The following EPHA3 variants were observed in gnomAD, a reference collection of about 807,000 sequenced individuals.
The protein encoded by EPHA3 is EPH receptor A3.
Under a neutral mutation model 107.1 loss-of-function variants are expected in EPHA3, and 42 were observed. The observed-to-expected ratio is 0.39, with a 90% confidence interval of 0.31 to 0.51. The LOEUF (loss-of-function observed/expected upper bound fraction) is 0.51. Ranked by LOEUF, EPHA3 falls within the 20% of genes least tolerant of loss-of-function variation. The pLI is 0.78. For synonymous variants in EPHA3, 461 were observed against 424.8 expected (o/e 1.09, Z -1.05); for missense variants, 1,183 against 1,211.2 (o/e 0.98, Z 0.35).
intron 2 of EPHA3, among the ~76,000 whole-genome samples, chr3:89,206,497 C>G (rs1420547485): frequency 2.0e-5 from 3 of 152,152 alleles, no homozygotes; most frequent in Non-Finnish European, 2.9e-5. Flanking sequence ...ATCGAACTTT[C>G]TATAAGATGG....
chr3:89,137,854 A>G (rs1015645542), intron 2 of EPHA3, among the ~76,000 whole-genome samples: 1 of 151,988 alleles, frequency 6.6e-6, no homozygotes, highest in Non-Finnish European at 1.5e-5. Context: ...ATATACATAA[A>G]CTAACAGATC....
intron 3 of EPHA3, among the ~76,000 whole-genome samples, chr3:89,228,686 G>T (rs796992309): frequency 1.2e-4 from 18 of 151,960 alleles, no homozygotes; most frequent in African/African-American, 4.3e-4. Context: ...AATGTGCCGT[G>T]TTCTCTAGAT....
intron 2 of EPHA3, among the ~76,000 whole-genome samples, chr3:89,164,529 T>G (rs1705020876): frequency 6.6e-6 from 1 of 152,222 alleles, no homozygotes; most frequent in Admixed American, 6.5e-5. Flanking sequence ...ACAGCTTCTC[T>G]TGCCCTTTGG....
intron 3 of EPHA3, among the ~76,000 whole-genome samples, chr3:89,245,989 G>A (rs1705022262): frequency 6.6e-6 from 1 of 152,080 alleles, no homozygotes; most frequent in Non-Finnish European, 1.5e-5. Flanking sequence ...GTTGGGTTTT[G>A]CAAAAAGTCA....
chr3:89,460,652 T>C (rs1056768323), intron 15 of EPHA3, among the ~76,000 whole-genome samples: 3 of 148,192 alleles, frequency 2.0e-5, no homozygotes, highest in Non-Finnish European at 4.5e-5. Flanking sequence ...AAATACCATA[T>C]CCTTCAAGAC....
intron 3 of EPHA3, among the ~76,000 whole-genome samples, chr3:89,286,430 C>T (rs1403601886): frequency 6.6e-6 from 1 of 151,994 alleles, no homozygotes; most frequent in Non-Finnish European, 1.5e-5. Context: ...TTAAACGGTA[C>T]ATTGGCAAAG....
At chr3:89,311,187 T>C (rs1315006267) in intron 3 of EPHA3, among the ~76,000 whole-genome samples, 1 of 152,146 alleles carries the variant, frequency 6.6e-6, no homozygotes, top group East Asian at 1.9e-4. Flanking sequence ...CTCCCTATGT[T>C]ATAAAATTAA....
At position 89,341,836 on chromosome 3, in the gene EPHA3, C is replaced by G; in HGVS notation, c.1052C>G (p.Thr351Arg). 6.2e-7 allele frequency: 1 copy of G among 1,613,890 alleles called. No homozygotes were observed. The highest frequency in any genetic ancestry group is 8.5e-7 in the Non-Finnish European group (1 of 1,179,996). Residue 351 changes from threonine to arginine, a missense_variant, in exon 5 of 17, where the codon ACA becomes AGA. Thr to Arg is a moderately conservative substitution (Grantham distance 71, BLOSUM62 -1). Transcript: ENST00000336596. ...VILDWSWPLD[T>R]GGRKDVTFNI... ...CTGGACTGGAGTTGGCCCCTGGACA[C>G]AGGAGGCCGGAAAGATGTTACCTTC...
intron 2 of EPHA3, among the ~76,000 whole-genome samples, chr3:89,187,365 A>T (rs1311142101): frequency 6.7e-6 from 1 of 148,660 alleles, no homozygotes; most frequent in African/African-American, 2.4e-5. Flanking sequence ...ATTATAAATA[A>T]ATGTATATAT....
intron 5 of EPHA3, among the ~76,000 whole-genome samples, chr3:89,383,312 A>G (rs1380632668): frequency 1.3e-5 from 2 of 152,230 alleles, no homozygotes; most frequent in African/African-American, 4.8e-5. Flanking sequence ...CATGAGCCAA[A>G]CAACCCAAGA....
At chr3:89,344,296 A>T (rs1249669518) in intron 5 of EPHA3, among the ~76,000 whole-genome samples, 1 of 152,234 alleles carries the variant, frequency 6.6e-6, no homozygotes, top group East Asian at 1.9e-4. Context: ...ACATTAAAAA[A>T]TAAATGAGAT....
At chr3:89,195,584 T>A (rs1432519618) in intron 2 of EPHA3, among the ~76,000 whole-genome samples, 1 of 152,158 alleles carries the variant, frequency 6.6e-6, no homozygotes, top group African/African-American at 2.4e-5. Flanking sequence ...TCAAAACAAA[T>A]ATCAATCGTT....
intron 2 of EPHA3, among the ~76,000 whole-genome samples, chr3:89,156,520 C>CT (rs566512846): frequency 6.6e-5 from 10 of 152,080 alleles, no homozygotes; most frequent in African/African-American, 2.4e-4. Context: ...AAAATTCAGT[C>CT]TAAGTGCCAA....
intron 5 of EPHA3, among the ~76,000 whole-genome samples, chr3:89,366,150 G>A (rs1206372301): frequency 6.6e-6 from 1 of 150,468 alleles, no homozygotes; most frequent in East Asian, 2.0e-4. Flanking sequence ...GACCAGTTCT[G>A]TGTCATGCAT....
intron 3 of EPHA3, among the ~76,000 whole-genome samples, chr3:89,305,500 A>G (rs183071838): frequency 6.6e-6 from 1 of 152,310 alleles, no homozygotes; most frequent in East Asian, 1.9e-4. Flanking sequence ...AGAAAATCTT[A>G]AATTAAAGTT....
intron 5 of EPHA3, among the ~76,000 whole-genome samples, chr3:89,390,054 T>C (rs150378169): frequency 0.016 from 2,401 of 152,150 alleles, 65 homozygotes; most frequent in African/African-American, 0.055. Flanking sequence ...TGTGGTGGTG[T>C]CATCTTGGCT....
chr3:89,459,874 AT>A (rs1416397782), intron 15 of EPHA3, among the ~76,000 whole-genome samples: 1 of 152,220 alleles, frequency 6.6e-6, no homozygotes. Context: ...CACCATGAAA[AT>A]AAATAGAAAA....
At chr3:89,180,373 CA>C (rs1705414979) in intron 2 of EPHA3, among the ~76,000 whole-genome samples, 1 of 151,758 alleles carries the variant, frequency 6.6e-6, no homozygotes, top group Non-Finnish European at 1.5e-5. Context: ...TCTTGATTTT[CA>C]AGTCTGTGTG....
chr3:89,204,982 A>G (rs966180386), intron 2 of EPHA3, among the ~76,000 whole-genome samples: 2 of 152,238 alleles, frequency 1.3e-5, no homozygotes, highest in African/African-American at 4.8e-5. Context: ...TGTTTCTTAT[A>G]AACCATTGAA....
Sources: gnomAD v4.1 joint callset for allele counts (sites outside exome capture counted in the v4.1 genomes callset) on GRCh38, gnomAD v4.1.1 for gene constraint, MANE v1.5 for transcripts, NCBI Gene and HGNC (gene_info 2026-07-23, HGNC 2026-07-21) for gene names.